BCKDHB: variants seen among roughly 807,000 people sequenced by gnomAD.
The protein encoded by BCKDHB is 2-oxoisovalerate dehydrogenase subunit beta, mitochondrial.
Under a neutral mutation model 48.5 loss-of-function variants are expected in BCKDHB, and 41 were observed. The observed-to-expected ratio is 0.85, with a 90% CI of 0.66 to 1.10. The LOEUF (loss-of-function observed/expected upper bound fraction) is 1.10, where lower values mean the gene tolerates loss of function less well. BCKDHB is among the 50% of genes least tolerant of loss of function. The pLI, the probability that BCKDHB is intolerant of heterozygous loss-of-function variation, is 0.00. For synonymous variants in BCKDHB, 201 were observed against 174.8 expected (o/e 1.15, Z -1.18); for missense variants, 496 against 494.2 (o/e 1.00, Z -0.03).
At chr6:80,260,109 G>C (rs571443017) in intron 8 of BCKDHB, among the ~76,000 whole-genome samples, 1 of 152,126 alleles carries the variant, frequency 6.6e-6, no homozygotes, top group African/African-American at 2.4e-5. Context: ...CATACCTGTT[G>C]ATATACTGGT....
chr6:80,210,582 A>T (rs1562139878), intron 8 of BCKDHB, among the ~76,000 whole-genome samples: 1 of 152,166 alleles, frequency 6.6e-6, no homozygotes, highest in Admixed American at 6.5e-5. Context: ...CTTGAACAAA[A>T]TTTTTAAAAA....
chr6:80,169,728 A>G (rs1772796654), intron 5 of BCKDHB: 2 of 1,301,412 alleles, frequency 1.5e-6, no homozygotes, highest in Non-Finnish European at 2.1e-6. Flanking sequence ...CCAGAGATGT[A>G]TATTTGTTTT....
intron 8 of BCKDHB, among the ~76,000 whole-genome samples, chr6:80,228,113 G>C (rs1775759212): frequency 6.6e-6 from 1 of 152,186 alleles, no homozygotes; most frequent in Non-Finnish European, 1.5e-5. Flanking sequence ...TAAATTTAAA[G>C]TGACTTCCCA....
intron 8 of BCKDHB, among the ~76,000 whole-genome samples, chr6:80,248,976 G>C (rs1776729280): frequency 6.6e-6 from 1 of 151,418 alleles, no homozygotes; most frequent in Admixed American, 6.6e-5. Flanking sequence ...GTGGTGTGGA[G>C]GTGTGTATGT....
At chr6:80,348,141 A>T (rs1770291322), downstream of BCKDHB, among the ~76,000 whole-genome samples, 1 of 152,252 alleles carries the variant, frequency 6.6e-6, no homozygotes, top group Admixed American at 6.5e-5. Flanking sequence ...CAGAACTTCT[A>T]GAATGTTTTC....
intron 8 of BCKDHB, among the ~76,000 whole-genome samples, chr6:80,221,449 C>A (rs946999881): frequency 1.3e-5 from 2 of 152,066 alleles, no homozygotes; most frequent in African/African-American, 4.8e-5. Context: ...ATTGCATTTT[C>A]TTATTTTTTA....
At chr6:80,157,087 A>G (rs1019725040) in intron 3 of BCKDHB, among the ~76,000 whole-genome samples, 16 of 152,208 alleles carry the variant, frequency 1.1e-4, no homozygotes, top group African/African-American at 2.9e-4. Flanking sequence ...GAGAAACCTC[A>G]GTCTATGATA....
chr6:80,169,858 T>G (rs756389057), intron 5 of BCKDHB: 1 of 1,607,490 alleles, frequency 6.2e-7, no homozygotes, highest in African/African-American at 1.3e-5. Context: ...GCCTGATTTT[T>G]GAATGTGAGC....
intron 3 of BCKDHB, among the ~76,000 whole-genome samples, chr6:80,151,860 G>A (rs952727763): frequency 6.6e-6 from 1 of 152,142 alleles, no homozygotes; most frequent in Non-Finnish European, 1.5e-5. Context: ...GACGCACAAG[G>A]GTTTTAGATG....
At chr6:80,354,437 C>G in the BCKDHB span, among the ~76,000 whole-genome samples, 1 of 152,122 alleles carries the variant, frequency 6.6e-6, no homozygotes, top group Non-Finnish European at 1.5e-5. Context: ...CTGTGTTGCC[C>G]AGGCTGGTCT....
rs114754079 is a variant in BCKDHB at position 80,194,490 on chromosome 6, C to T, written c.743-6444C>T. Among the ~76,000 whole-genome samples the T allele has an allele frequency of 3.0e-3, 451 of 152,216 alleles. 1 individual carries two copies. Among genetic ancestry groups the T allele is most frequent in the African/African-American group, 0.01 (434 of 41,560 alleles). Reference sequence around the variant, plus strand: ...GAGATTCTATCCAGAGTCTATTTATCGTTCTTTCTCCTTAGTTTCCTTTAT... The same window carrying T: ...GAGATTCTATCCAGAGTCTATTTATTGTTCTTTCTCCTTAGTTTCCTTTAT... On this transcript the variant is annotated intron_variant, in intron 6 of 9. Coordinates refer to ENST00000320393, the MANE Select transcript of BCKDHB (RefSeq NM_183050.4).
intron 3 of BCKDHB, among the ~76,000 whole-genome samples, chr6:80,150,700 G>T (rs1305501208): frequency 1.3e-5 from 2 of 151,884 alleles, no homozygotes; most frequent in Non-Finnish European, 2.9e-5. Context: ...GGGATTACAG[G>T]CGTGCACCAC....
In BCKDHB at chr6:80,259,417, A is replaced by G. The variant is rs921915640; in HGVS notation, c.952-13718A>G. Among the ~76,000 whole-genome samples the G allele has an allele frequency of 5.9e-5, 9 of 152,222 alleles. No homozygotes were observed. In the South Asian group the frequency reaches 1.2e-3, roughly 21 times the overall value. The stretch of plus-strand genomic sequence containing the variant: ...CCGGGGAGCAATAACATTGAAAGCT[A>G]TGTCAAGATTCCACCCTCATGGAGG... On this transcript the variant is annotated intron_variant, in intron 8 of 9. Transcript: ENST00000320393.
intron 8 of BCKDHB, among the ~76,000 whole-genome samples, chr6:80,220,121 T>C (rs1775346042): frequency 6.6e-6 from 1 of 152,044 alleles, no homozygotes; most frequent in African/African-American, 2.4e-5. Context: ...TCTTAGCAGT[T>C]GTATGATAGA....
At chr6:80,432,102 C>CT in the BCKDHB span, among the ~76,000 whole-genome samples, 2,263 of 152,234 alleles carry the variant, frequency 0.015, 53 homozygotes, top group African/African-American at 0.051. Context: ...GTAACCTGAC[C>CT]TTTCTCTCTG....
chr6:80,307,017 T>C (rs1767917362), intron 9 of BCKDHB, among the ~76,000 whole-genome samples: 3 of 152,218 alleles, frequency 2.0e-5, no homozygotes, highest in Admixed American at 2.0e-4. Flanking sequence ...GTTCCTCATA[T>C]TGAGCCGGGG....
chr6:80,207,678 G>A (rs1376237023), intron 8 of BCKDHB, among the ~76,000 whole-genome samples: 1 of 151,698 alleles, frequency 6.6e-6, no homozygotes, highest in East Asian at 1.9e-4. Context: ...AAAATGAAAG[G>A]ATGGAAAAAG....
At chr6:80,438,941 C>T in the BCKDHB span, among the ~76,000 whole-genome samples, 1 of 152,082 alleles carries the variant, frequency 6.6e-6, no homozygotes, top group Non-Finnish European at 1.5e-5. Context: ...CATTCAGAGA[C>T]AGATTCCATC....
At chr6:80,161,082 A>G (rs1003159504) in intron 3 of BCKDHB, among the ~76,000 whole-genome samples, 3 of 152,176 alleles carry the variant, frequency 2.0e-5, no homozygotes, top group Admixed American at 2.0e-4. Context: ...GGTCAAAGCC[A>G]CTAACCACTG....
Sources: allele counts gnomAD v4.1 joint callset (sites outside exome capture counted in the v4.1 genomes callset), GRCh38; gene constraint gnomAD v4.1.1; transcripts MANE v1.5; gene names NCBI Gene and HGNC (gene_info 2026-07-23, HGNC 2026-07-21).